The following HAUS5 variants were observed in gnomAD, a reference collection of about 807,000 sequenced individuals.
HAUS5 encodes the protein HAUS augmin-like complex subunit 5.
A neutral mutation model predicts 94.1 loss-of-function variants in HAUS5; 67 were observed. That is an observed-to-expected ratio of 0.71 (90% CI 0.58 to 0.87). The LOEUF (loss-of-function observed/expected upper bound fraction) is 0.87. Ranked by LOEUF, HAUS5 falls within the 40% of genes least tolerant of loss-of-function variation. HAUS5 has a pLI of 0.00. For synonymous variants in HAUS5, 339 were observed against 355.4 expected (o/e 0.95, Z 0.52); for missense variants, 739 against 825.6 (o/e 0.90, Z 1.29).
chr19:35,618,428 C>T lies in HAUS5; in HGVS notation c.848C>T (p.Ser283Phe), dbSNP rs986109845. The change falls in exon 11 of 19, where the codon TCC (serine) becomes TTC (phenylalanine). Residue 283 changes from serine to phenylalanine, a missense_variant. Ser to Phe is a radical substitution (Grantham distance 155). Coordinates refer to ENST00000203166, the MANE Select transcript of HAUS5 (RefSeq NM_015302.2). ...SRPQAPDQSD[S>F]SQTLPSMVHL... ...CCCCAGGCCCCGGACCAGTCAGACT[C>T]CAGCCAGACCCTGCCGTCCATGGTT... is the stretch of plus-strand genomic sequence containing the variant. 6 of 1,604,570 alleles carry T rather than the reference C, an allele frequency of 3.7e-6. No individual in the cohort carries two copies. The highest frequency in any genetic ancestry group is 1.7e-5 in the Admixed American group (1 of 59,918).
intron 18 of HAUS5, 27 bp from the exon 19 acceptor site, chr19:35,622,849 C>G: frequency 6.2e-7 from 1 of 1,607,682 alleles, no homozygotes; most frequent in Non-Finnish European, 8.5e-7. Context: ...TCAGTCCTTT[C>G]CTCGTTGACG....
chr19:35,619,601 C>CCAAA lies in HAUS5; in HGVS notation c.1261-11_1261-10insAAAC. ...GTTGTGATGCCCCACCCACCCCTCCCCTTCCCCACAGGTGCTAGCTCTGGT... is the reference window on the plus strand; with the variant it reads ...GTTGTGATGCCCCACCCACCCCTCCCCAAACTTCCCCACAGGTGCTAGCTCTGGT... On this transcript the variant is annotated splice_polypyrimidine_tract_variant and intron_variant, in intron 14 of 18. Coordinates refer to ENST00000203166, the MANE Select transcript of HAUS5 (RefSeq NM_015302.2). The CCAAA allele has an allele frequency of 1.3e-6, 2 of 1,580,596 alleles. No homozygotes were observed. Among genetic ancestry groups the CCAAA allele is most frequent in the Non-Finnish European group, 1.7e-6 (2 of 1,160,928 alleles).
intron 17 of HAUS5, among the ~76,000 whole-genome samples, 159 bp downstream of exon 17, chr19:35,620,486 A>G (rs949450530): frequency 3.3e-5 from 5 of 152,196 alleles, no homozygotes; most frequent in African/African-American, 7.2e-5. Flanking sequence ...CAGTCCCATA[A>G]GGTAAGTGCT....
In HAUS5 at chr19:35,613,786, G is replaced by A. The variant is rs1190510409; in HGVS notation, c.155G>A (p.Ser52Asn). ...GCCTACATCTTGCAGCATGTGCACA[G>A]TCAGAGGTAAGCTGGGCTAGAGCAG... ...IWAYILQHVHSQRTVKKIRGN... is the reference protein window; with the variant it reads ...IWAYILQHVHNQRTVKKIRGN... The change falls in exon 2 of 19, where the codon AGT becomes AAT. Residue 52 changes from serine (S) to asparagine (N), a missense_variant. By Grantham distance (46) the Ser-to-Asn change is conservative. Coordinates refer to ENST00000203166, the MANE Select transcript of HAUS5 (RefSeq NM_015302.2). 1.9e-6 allele frequency: 3 copies of A among 1,614,198 alleles called. No individual in the cohort carries two copies. The South Asian group carries it at 3.3e-5, about 18-fold the overall frequency.
chr19:35,617,599 G>A (rs2071955822), intron 8 of HAUS5, among the ~76,000 whole-genome samples: 1 of 152,074 alleles, frequency 6.6e-6, no homozygotes, highest in African/African-American at 2.4e-5. Context: ...CAGAGGCAGT[G>A]CCTTTCCCAG....
At chr19:35,619,584 G>GGGCCCCCCCCCCC in intron 14 of HAUS5, 29 bp from the exon 15 acceptor site, 1 of 1,533,868 alleles carries the variant, frequency 6.5e-7, no homozygotes, top group Non-Finnish European at 8.9e-7. Context: ...ATGTTGTGAT[G>GGGCCCCCCCCCCC]CCCCACCCAC....
At chr19:35,614,170 C>T (rs2071920632) in intron 4 of HAUS5, 111 bp downstream of exon 4, 1 of 937,872 alleles carries the variant, frequency 1.1e-6, no homozygotes, top group African/African-American at 1.6e-5. Flanking sequence ...GGTCACAAGA[C>T]AGCCTTGATC....
At position 35,615,047 on chromosome 19, in the gene HAUS5, T is replaced by C. The variant is rs773069069; in HGVS notation, c.225T>C (p.Arg75=). ...WYGHQDSPQV[R]RKLELEAAVT... ...CCTGAATCTGATCCTCCCAGGTCCGTCGGAAGTTAGAGCTGGAAGCTGCTG... is the reference window on the plus strand; with the variant it reads ...CCTGAATCTGATCCTCCCAGGTCCGCCGGAAGTTAGAGCTGGAAGCTGCTG... The change falls in exon 5 of 19, where the codon CGT becomes CGC. Residue 75 remains arginine (R), a synonymous_variant. Transcript: ENST00000203166. The C allele has an allele frequency of 9.4e-6, 15 of 1,589,580 alleles. No individual in the cohort carries two copies. The African/African-American group carries it at 1.5e-4, about 16-fold the overall frequency.
intron 6 of HAUS5, among the ~76,000 whole-genome samples, chr19:35,616,264 G>T (rs182911293): frequency 2.0e-5 from 3 of 151,744 alleles, no homozygotes; most frequent in Admixed American, 2.0e-4. Flanking sequence ...GTTGCAGTGA[G>T]CCTGGATTGC....
chr19:35,619,971 C>T, intron 15 of HAUS5, 41 bp from the exon 16 acceptor site: 2 of 1,594,996 alleles, frequency 1.3e-6, no homozygotes, highest in Non-Finnish European at 1.7e-6. Context: ...CCAAGGCCTC[C>T]TCTCAGTCCC....
At chr19:35,614,118 G>C in intron 4 of HAUS5, 59 bp downstream of exon 4, 1 of 1,489,342 alleles carries the variant, frequency 6.7e-7, no homozygotes, top group Non-Finnish European at 9.4e-7. Context: ...TAGATCTTCT[G>C]CTCTAAGCCC....
chr19:35,614,024 C>T lies in HAUS5; in HGVS notation c.195-11C>T, dbSNP rs775205706. ...CCCACTCATCCGCTGACTCTGGCCTCGTTTTCCTAGGTATGGCCACCAGGA... is the reference window on the plus strand; with the variant it reads ...CCCACTCATCCGCTGACTCTGGCCTTGTTTTCCTAGGTATGGCCACCAGGA... On this transcript the variant is annotated splice_polypyrimidine_tract_variant and intron_variant, in intron 3 of 18. Transcript: ENST00000203166. The T allele has an allele frequency of 5.0e-6, 8 of 1,613,672 alleles. No homozygotes were observed. Among genetic ancestry groups the T allele is most frequent in the African/African-American group, 2.7e-5 (2 of 74,884 alleles).
rs1429434393 is a variant in HAUS5 at position 35,619,064 on chromosome 19, C to T, written c.1179+15C>T. 1 of 1,563,650 alleles carries T rather than the reference C, an allele frequency of 6.4e-7. No homozygotes were observed. The highest frequency in any genetic ancestry group is 1.9e-5 in the Admixed American group (1 of 52,104). On this transcript the variant is annotated intron_variant, in intron 13 of 18. Transcript: ENST00000203166. ...GCCAGCTGGTGGTGAGAGGCTAGGC[C>T]CAGGGCCTTGTGGAGGGCCAGAGGG... is the stretch of plus-strand genomic sequence containing the variant.
chr19:35,620,736 C>G (rs1467713595), intron 17 of HAUS5, among the ~76,000 whole-genome samples: 2 of 152,202 alleles, frequency 1.3e-5, no homozygotes, highest in Non-Finnish European at 2.9e-5. Context: ...CCTCCCCGTG[C>G]CTTAGCTTCC....
At chr19:35,621,328 T>C (rs1568330344) in intron 17 of HAUS5, among the ~76,000 whole-genome samples, 1 of 152,080 alleles carries the variant, frequency 6.6e-6, no homozygotes, top group Non-Finnish European at 1.5e-5. Flanking sequence ...TCTGCCCACC[T>C]CATGTGTTTT....
intron 14 of HAUS5, 29 bp from the exon 15 acceptor site, chr19:35,619,584 G>GCCCCCCCCCACCCCCCCC: frequency 6.5e-7 from 1 of 1,533,894 alleles, no homozygotes; most frequent in Non-Finnish European, 8.9e-7. Flanking sequence ...ATGTTGTGAT[G>GCCCCCCCCCACCCCCCCC]CCCCACCCAC....
rs1055136185 is a variant in HAUS5, at chr19:35,619,755, G to A, written c.1403G>A (p.Gly468Glu). Reference protein sequence around the residue: ...LLGTLLRHRPGELKPLPTVLP... With the variant: ...LLGTLLRHRPEELKPLPTVLP... ...GGCACGCTGCTGCGGCACAGGCCGG[G>A]AGAGTGAGACTGGGGCTGCCCCACC... The change falls in exon 15 of 19, where the codon GGA (glycine) becomes GAA (glutamate). Residue 468 changes from glycine to glutamate, a missense_variant. Transcript: ENST00000203166. The A allele has an allele frequency of 6.5e-7, 1 of 1,549,136 alleles. No homozygotes were observed. The highest frequency in any genetic ancestry group is 8.7e-7 in the Non-Finnish European group (1 of 1,146,648).
At chr19:35,618,370 C>A in intron 10 of HAUS5, 32 bp from the exon 11 acceptor site, 1 of 1,610,660 alleles carries the variant, frequency 6.2e-7, no homozygotes, top group Non-Finnish European at 8.5e-7. Context: ...GGCCGCAGCA[C>A]GGCTCCCTCA....
At position 35,620,185 on chromosome 19, in the gene HAUS5, C is replaced by T. The variant is rs1967186710; in HGVS notation, c.1519-10C>T. 1.9e-6 allele frequency: 3 copies of T among 1,612,200 alleles called. No individual in the cohort carries two copies. The highest frequency in any genetic ancestry group is 2.5e-6 in the Non-Finnish European group (3 of 1,178,636). Reference sequence around the variant, plus strand: ...CCGCCCCAGGTGACCGTCCTTCCCTCCTCCTCCAGGCCTCGGAGCTGCTCC... The same window carrying T: ...CCGCCCCAGGTGACCGTCCTTCCCTTCTCCTCCAGGCCTCGGAGCTGCTCC... On this transcript the variant is annotated splice_polypyrimidine_tract_variant and intron_variant, in intron 16 of 18. Transcript: ENST00000203166.
Sources: allele counts gnomAD v4.1 joint callset (sites outside exome capture counted in the v4.1 genomes callset), GRCh38; gene constraint gnomAD v4.1.1; transcripts MANE v1.5; gene names NCBI Gene and HGNC (gene_info 2026-07-23, HGNC 2026-07-21).